The following CDK13 variants were observed in gnomAD, a reference collection of about 807,000 sequenced individuals.
CDK13 encodes the protein cyclin dependent kinase 13.
Under a neutral mutation model 137.6 loss-of-function variants are expected in CDK13, and 40 were observed. The observed-to-expected ratio is 0.29, with a 90% CI of 0.23 to 0.38. The LOEUF (loss-of-function observed/expected upper bound fraction) is 0.38, where lower values mean the gene tolerates loss of function less well. CDK13 is among the 10% of genes least tolerant of loss of function. CDK13 has a pLI of 1.00. For synonymous variants in CDK13, 869 were observed against 760.1 expected (o/e 1.14, Z -2.36); for missense variants, 1,704 against 1,951.8 (o/e 0.87, Z 2.39).
At chr7:39,989,672 A>G (rs1784417289) in intron 2 of CDK13, among the ~76,000 whole-genome samples, 1 of 152,148 alleles carries the variant, frequency 6.6e-6, no homozygotes, top group Admixed American at 6.5e-5. Context: ...GGTTCATAAC[A>G]GTAGTGATTT....
intron 2 of CDK13, among the ~76,000 whole-genome samples, chr7:39,988,589 A>G (rs570256211): frequency 6.6e-6 from 1 of 152,286 alleles, no homozygotes; most frequent in East Asian, 1.9e-4. Context: ...TATTTTATGA[A>G]TAAGTTGGCC....
chr7:40,084,262 C>T (rs1297483094), intron 11 of CDK13, among the ~76,000 whole-genome samples: 1 of 152,158 alleles, frequency 6.6e-6, no homozygotes, highest in Middle Eastern at 3.4e-3. Flanking sequence ...GGGCAGATCA[C>T]GAGGTCAAGA....
In CDK13 at chr7:39,987,626, C is replaced by T; in HGVS notation, c.1239C>T (p.Ser413=). The stretch of plus-strand genomic sequence containing the variant: ...GGTCTGGAAAATCCCGAAGCAGAAG[C>T]CCGTATTCATCTAGGCATTCAAGAT... ...LRRSGKSRSR[S]PYSSRHSRSR... is the part of the protein sequence containing the mutation. Residue 413 remains serine (S), a synonymous_variant, in exon 2 of 14, where the codon AGC becomes AGT. Transcript: ENST00000181839. The T allele has an allele frequency of 2.5e-6, 4 of 1,603,500 alleles. No homozygotes were observed. Among genetic ancestry groups the T allele is most frequent in the Non-Finnish European group, 3.4e-6 (4 of 1,177,196 alleles).
rs150552541 is a variant in CDK13 at position 40,094,674 on chromosome 7, C to T, written c.4233C>T (p.Tyr1411=). ...CAGTAGCTGGATATGGAGACATTTACCTCAATGCTGGTCCCATGTTGTTTA... is the reference window on the plus strand; with the variant it reads ...CAGTAGCTGGATATGGAGACATTTATCTCAATGCTGGTCCCATGTTGTTTA... ...PSSVAGYGDI[Y]LNAGPMLFSG... Residue 1411 remains tyrosine, a synonymous_variant, in exon 14 of 14, where the codon TAC becomes TAT. Coordinates refer to ENST00000181839, the MANE Select transcript of CDK13 (RefSeq NM_003718.5). 1.2e-6 allele frequency: 2 copies of T among 1,614,048 alleles called. No individual in the cohort carries two copies. Among genetic ancestry groups the T allele is most frequent in the Non-Finnish European group, 1.7e-6 (2 of 1,180,042 alleles).
chr7:40,026,019 C>T (rs1326969879), intron 5 of CDK13, among the ~76,000 whole-genome samples: 2 of 152,134 alleles, frequency 1.3e-5, no homozygotes, highest in East Asian at 3.9e-4. Flanking sequence ...GCTGTCTTTC[C>T]TTGCACCCCT....
At position 40,006,655 on chromosome 7, in the gene CDK13, G is replaced by A. The variant is rs973903586; in HGVS notation, c.2353+4624G>A. Among the ~76,000 whole-genome samples the A allele has an allele frequency of 8.5e-5, 13 of 152,132 alleles. 1 individual carries two copies. The highest frequency in any genetic ancestry group is 2.7e-4 in the African/African-American group (11 of 41,508). ...AGGCCAGCTGGGTGTGGGGACACAC[G>A]CCTGTAATCCCAGCTACTATGGAGG... On this transcript the variant is annotated intron_variant, in intron 5 of 13. Coordinates refer to ENST00000181839, the MANE Select transcript of CDK13 (RefSeq NM_003718.5).
chr7:40,065,684 C>A (rs768632328), intron 9 of CDK13, among the ~76,000 whole-genome samples: 3 of 151,950 alleles, frequency 2.0e-5, no homozygotes, highest in Non-Finnish European at 4.4e-5. Flanking sequence ...CTTAAATATA[C>A]TACTAAATAA....
Position 40,092,840 on chromosome 7 carries a change from C to A in CDK13, c.3291C>A (p.Asn1097Lys), listed in dbSNP as rs755667901. 3.4e-5 allele frequency: 55 copies of A among 1,613,998 alleles called. No homozygotes were observed. In the South Asian group the frequency reaches 5.9e-4, roughly 17 times the overall value. ...ACAGTGAATTGGCAATTCTACTAAA[C>A]CTACTACAATCTAAAACAAGTGTTA... Reference protein sequence around the residue: ...LNHSELAILLNLLQSKTSVNM... With the variant: ...LNHSELAILLKLLQSKTSVNM... Residue 1097 changes from asparagine to lysine, a missense_variant, in exon 13 of 14, where the codon AAC (asparagine) becomes AAA (lysine). Physicochemically the swap from Asn to Lys is moderately conservative, Grantham distance 94. Transcript: ENST00000181839.
intron 9 of CDK13, among the ~76,000 whole-genome samples, chr7:40,077,296 G>A (rs1242061992): frequency 2.6e-5 from 4 of 152,028 alleles, no homozygotes; most frequent in Non-Finnish European, 5.9e-5. Flanking sequence ...TATTATTGTA[G>A]ACTGCCTTAT....
intron 7 of CDK13, among the ~76,000 whole-genome samples, chr7:40,058,407 G>A (rs1198551902): frequency 6.6e-6 from 1 of 152,046 alleles, no homozygotes; most frequent in Non-Finnish European, 1.5e-5. Context: ...GGGCATGGTG[G>A]TGCATGCCTG....
chr7:40,078,478 C>T, intron 10 of CDK13: 1 of 273,544 alleles, frequency 3.7e-6, no homozygotes, highest in Non-Finnish European at 6.7e-6. Flanking sequence ...CGATAAGTAA[C>T]AATATATACT....
chr7:39,982,779 T>G (rs536180634), intron 1 of CDK13, among the ~76,000 whole-genome samples: 17 of 152,362 alleles, frequency 1.1e-4, no homozygotes, highest in Non-Finnish European at 2.2e-4. Context: ...ATGATGAGCA[T>G]TTTTTCATGT....
At position 40,063,056 on chromosome 7, in the gene CDK13, T is replaced by A; in HGVS notation, c.2736T>A (p.Pro912=). 6.2e-7 allele frequency: 1 copy of A among 1,613,850 alleles called. No individual in the cohort carries two copies. Among genetic ancestry groups the A allele is most frequent in the Non-Finnish European group, 8.5e-7 (1 of 1,179,762 alleles). The change falls in exon 9 of 14, where the codon CCT becomes CCA. Residue 912 remains proline, a synonymous_variant. Coordinates refer to ENST00000181839, the MANE Select transcript of CDK13 (RefSeq NM_003718.5). ...CILGELFTKK[P]IFQANQELAQ... is the part of the protein sequence containing the mutation. ...TTGGCGAACTCTTCACTAAAAAACC[T>A]ATATTTCAAGCAAATCAGGAACTTG... is the stretch of plus-strand genomic sequence containing the variant.
intron 5 of CDK13, among the ~76,000 whole-genome samples, chr7:40,030,870 A>G (rs1243134790): frequency 6.6e-6 from 1 of 152,086 alleles, no homozygotes; most frequent in Non-Finnish European, 1.5e-5. Context: ...TTTTCACTCA[A>G]AATATTCCAT....
intron 9 of CDK13, among the ~76,000 whole-genome samples, chr7:40,075,641 G>T (rs571738847): frequency 6.6e-6 from 1 of 152,018 alleles, no homozygotes; most frequent in Non-Finnish European, 1.5e-5. Flanking sequence ...TAATTTGACC[G>T]ATGTCAGACA....
chr7:40,077,907 T>C (rs1786581271), intron 9 of CDK13, 98 bp from the exon 10 acceptor site: 7 of 555,082 alleles, frequency 1.3e-5, no homozygotes, highest in Non-Finnish European at 1.6e-5. Context: ...AAGGCTTCAA[T>C]TTTTGTGTAT....
intron 5 of CDK13, among the ~76,000 whole-genome samples, chr7:40,021,957 G>T (rs975692187): frequency 6.6e-6 from 1 of 152,180 alleles, no homozygotes; most frequent in African/African-American, 2.4e-5. Context: ...GAGGCAAGAT[G>T]CACACCTGTT....
At chr7:40,051,516 C>T (rs1490213985) in intron 7 of CDK13, among the ~76,000 whole-genome samples, 1 of 152,104 alleles carries the variant, frequency 6.6e-6, no homozygotes, top group Non-Finnish European at 1.5e-5. Flanking sequence ...CAGGTAGGGC[C>T]TTACTGTAAT....
chr7:40,094,928 G>T lies in CDK13; in HGVS notation c.4487G>T (p.Gly1496Val), dbSNP rs757619861. The part of the protein sequence containing the change: ...QGPGYSQGYR[G>V]HISTSTGRGR... ...CCTGGATATTCACAAGGATACAGGG[G>T]ACATATTAGCACATCAACTGGCAGA... The change falls in exon 14 of 14, where the codon GGA becomes GTA. Residue 1496 changes from glycine to valine, a missense_variant. Physicochemically the swap from Gly to Val is moderately radical, Grantham distance 109. Around this residue, in one of 5 missense-constraint regions of CDK13, gnomAD observed 475 missense variants for 579.3 expected, o/e 0.82. Transcript: ENST00000181839. 6.8e-7 allele frequency: 1 copy of T among 1,479,714 alleles called. No homozygotes were observed. Among genetic ancestry groups the T allele is most frequent in the Non-Finnish European group, 9.0e-7 (1 of 1,114,840 alleles). The allele number at this position is 1,479,714 out of a possible 1,614,324, so 91.7% of individuals were successfully genotyped here.
Sources: gnomAD v4.1 joint callset for allele counts (sites outside exome capture counted in the v4.1 genomes callset) on GRCh38, gnomAD v4.1.1 for gene constraint, gnomAD v4.1.1 regional missense constraint, MANE v1.5 for transcripts, NCBI Gene and HGNC (gene_info 2026-07-23, HGNC 2026-07-21) for gene names.